Variants in SAMD13 observed in about 807,000 individuals in gnomAD.
SAMD13 encodes sterile alpha motif domain containing 13.
In SAMD13, 9 loss-of-function variants were observed where a neutral mutation model predicts 12.4. The ratio of observed to expected loss-of-function variants is 0.72; its 90% confidence interval spans 0.44 to 1.26. The LOEUF (loss-of-function observed/expected upper bound fraction) is 1.26, where lower values mean the gene tolerates loss of function less well. Ranked by LOEUF, SAMD13 falls within the 50% of genes most tolerant of loss-of-function variation. SAMD13 has a pLI of 0.00. For synonymous variants in SAMD13, 46 were observed against 45.4 expected (o/e 1.01, Z -0.05); for missense variants, 84 against 119.6 (o/e 0.70, Z 1.39).
chr1:84,319,513 T>C (rs1678897647), intron 2 of SAMD13, among the ~76,000 whole-genome samples: 1 of 151,746 alleles, frequency 6.6e-6, no homozygotes, highest in Non-Finnish European at 1.5e-5. Flanking sequence ...GCTGTAGCTG[T>C]AGTCCCAGCT....
chr1:84,329,795 A>C (rs1679135170), intron 3 of SAMD13, among the ~76,000 whole-genome samples: 1 of 152,222 alleles, frequency 6.6e-6, no homozygotes, highest in Non-Finnish European at 1.5e-5. Context: ...TGCCTAGCCC[A>C]TCACAAATAA....
At chr1:84,298,847 A>C (rs965736696), upstream of SAMD13, among the ~76,000 whole-genome samples, 3 of 151,126 alleles carry the variant, frequency 2.0e-5, no homozygotes, top group African/African-American at 7.3e-5. Context: ...TGGTGGCACG[A>C]CTCGGCGGGG....
chr1:84,326,420 T>A (rs116454447), intron 3 of SAMD13, among the ~76,000 whole-genome samples: 5 of 152,170 alleles, frequency 3.3e-5, no homozygotes, highest in Admixed American at 2.0e-4. Context: ...AAAATGGGAT[T>A]TCCTTTTCCT....
At chr1:84,302,806 T>C in intron 1 of SAMD13, 4 of 224,978 alleles carry the variant, frequency 1.8e-5, no homozygotes, top group South Asian at 3.6e-4. Context: ...AAAAAACAAA[T>C]CAAAGCCCAT....
At chr1:84,349,573 T>A in intron 3 of SAMD13, 58 bp from the exon 4 acceptor site, 1 of 1,564,518 alleles carries the variant, frequency 6.4e-7, no homozygotes, top group Non-Finnish European at 8.7e-7. Context: ...CCTTTTGTCT[T>A]CATTATCCTT....
chr1:84,313,868 G>A (rs1010546856), intron 2 of SAMD13, among the ~76,000 whole-genome samples: 12 of 152,098 alleles, frequency 7.9e-5, no homozygotes, highest in Non-Finnish European at 1.6e-4. Flanking sequence ...AATTAGTAAT[G>A]TGATGCTTTT....
At chr1:84,305,745 C>A (rs574573251) in intron 2 of SAMD13, among the ~76,000 whole-genome samples, 6 of 152,212 alleles carry the variant, frequency 3.9e-5, no homozygotes, top group Admixed American at 3.9e-4. Flanking sequence ...CTATGGATAT[C>A]CAATCTTTCC....
intron 3 of SAMD13, among the ~76,000 whole-genome samples, chr1:84,331,737 T>G (rs1164106995): frequency 6.6e-6 from 1 of 152,076 alleles, no homozygotes; most frequent in African/African-American, 2.4e-5. Flanking sequence ...TTGTTGAAGT[T>G]TTTAAACTTT....
Position 84,350,764 on chromosome 1 carries a change from G to A in SAMD13, c.*990G>A, listed in dbSNP as rs1679632999. On this transcript the variant is annotated 3_prime_UTR_variant, in exon 4 of 4. Transcript: ENST00000394834. ...TGTGTCAACGCCTTGTTGAATTGGT[G>A]CTTTGTGGTTGCAATAAAGCATTGC... 6.6e-6 allele frequency: 1 copy of A among 152,492 alleles called. No individual in the cohort carries two copies. The highest frequency in any genetic ancestry group is 1.5e-5 in the Non-Finnish European group (1 of 68,004). The allele number at this position is 152,492 out of a possible 1,614,324, so 9.4% of individuals were successfully genotyped here.
At chr1:84,299,375 T>A (rs1572683794), upstream of SAMD13, among the ~76,000 whole-genome samples, 1 of 152,250 alleles carries the variant, frequency 6.6e-6, no homozygotes, top group South Asian at 2.1e-4. Context: ...GACACCAAAG[T>A]TATTTCAGCA....
intron 2 of SAMD13, among the ~76,000 whole-genome samples, chr1:84,321,363 T>A (rs1678939409): frequency 6.6e-6 from 1 of 150,598 alleles, no homozygotes; most frequent in Non-Finnish European, 1.5e-5. Flanking sequence ...AAGCTATATA[T>A]AAATATATAT....
At chr1:84,304,348 C>G (rs1678514741) in intron 2 of SAMD13, 1 of 152,074 alleles carries the variant, frequency 6.6e-6, no homozygotes, top group African/African-American at 2.4e-5. Context: ...TGTTATCCAA[C>G]AGTACTTTCA....
chr1:84,310,256 A>G (rs907952055), intron 2 of SAMD13, among the ~76,000 whole-genome samples: 4 of 152,170 alleles, frequency 2.6e-5, no homozygotes, highest in Non-Finnish European at 5.9e-5. Context: ...TGTACTTTAC[A>G]CTTATAGTAG....
chr1:84,335,599 G>C (rs1679274635), intron 3 of SAMD13, among the ~76,000 whole-genome samples: 2 of 152,118 alleles, frequency 1.3e-5, no homozygotes, highest in South Asian at 2.1e-4. Context: ...TTGTTAGGGG[G>C]TTATTAGGCA....
chr1:84,310,165 T>TAA (rs1216000487), intron 2 of SAMD13, among the ~76,000 whole-genome samples: 1 of 152,110 alleles, frequency 6.6e-6, no homozygotes, highest in Non-Finnish European at 1.5e-5. Context: ...TTTAACTCAT[T>TAA]ATATCACTTA....
intron 3 of SAMD13, among the ~76,000 whole-genome samples, chr1:84,343,150 T>A (rs561048773): frequency 9.9e-5 from 15 of 152,204 alleles, no homozygotes; most frequent in Middle Eastern, 3.4e-3. Flanking sequence ...AAAACCACAA[T>A]GAGATACCAT....
chr1:84,349,812 TA>T lies in SAMD13; in HGVS notation c.*40del, dbSNP rs759580181. On this transcript the variant is annotated 3_prime_UTR_variant, in exon 4 of 4. Coordinates refer to ENST00000394834, the MANE Select transcript of SAMD13 (RefSeq NM_001134663.2). Reference sequence around the variant, plus strand: ...GGGGTCTTCGACCTCAAAAAATACATAATGACATAATTTAGTTTCATGTAAT... The same window carrying T: ...GGGGTCTTCGACCTCAAAAAATACATATGACATAATTTAGTTTCATGTAAT... The T allele has an allele frequency of 1.9e-6, 3 of 1,581,180 alleles. No individual in the cohort carries two copies. The African/African-American group carries it at 4.1e-5, about 22-fold the overall frequency.
intron 2 of SAMD13, among the ~76,000 whole-genome samples, chr1:84,310,678 A>T (rs756014591): frequency 6.6e-6 from 1 of 152,176 alleles, no homozygotes; most frequent in Non-Finnish European, 1.5e-5. Context: ...ATTTGTCTTG[A>T]TTCAACTTGG....
rs1178046260 is a variant in SAMD13 at position 84,331,328 on chromosome 1, TAAAAA to T, written c.165+5606_165+5610del. ...ATGCAATTCTAACAGCCCTCCTTGG[TAAAAA>T]AAAAAAAAAAAAAAAAAAAAAAAAA... On this transcript the variant is annotated intron_variant, in intron 3 of 3. Coordinates refer to ENST00000394834, the MANE Select transcript of SAMD13 (RefSeq NM_001134663.2). 8.4e-3 allele frequency among the ~76,000 whole-genome samples: 127 copies of T among 15,182 alleles called. 10 individuals are homozygous for T. The Middle Eastern group carries it at 0.19, about 22-fold the overall frequency. 10.0% of individuals were successfully genotyped at this position (15,182 alleles called of 152,430 possible). A position where few individuals can be genotyped will look rare whatever the true frequency, so the allele number is the denominator to read the frequency against.
Sources: allele counts gnomAD v4.1 joint callset (sites outside exome capture counted in the v4.1 genomes callset), GRCh38; gene constraint gnomAD v4.1.1; transcripts MANE v1.5; gene names NCBI Gene and HGNC (gene_info 2026-07-23, HGNC 2026-07-21).